Variants in TBC1D32 observed in about 807,000 individuals in gnomAD.
The protein encoded by TBC1D32 is protein broad-minded.
In TBC1D32, 151 loss-of-function variants were observed where a neutral mutation model predicts 170.3. That is an observed-to-expected ratio of 0.89 (90% CI 0.78 to 1.01). TBC1D32 has a LOEUF of 1.01. Ranked by LOEUF, TBC1D32 falls within the 50% of genes least tolerant of loss-of-function variation. The probability of loss-of-function intolerance (pLI) is 0.00; values close to 1 mark genes in which losing one functional copy is unlikely to be tolerated. For missense variants in TBC1D32, 1,464 were observed against 1,457.1 expected (o/e 1.00, Z -0.08); for synonymous variants, 498 against 488.0 (o/e 1.02, Z -0.27).
intron 12 of TBC1D32, among the ~76,000 whole-genome samples, chr6:121,289,945 T>C (rs1391302386): frequency 6.6e-6 from 1 of 152,172 alleles, no homozygotes; most frequent in African/African-American, 2.4e-5. Flanking sequence ...TGGATAGACA[T>C]ATGTAGAAAG....
intron 22 of TBC1D32, among the ~76,000 whole-genome samples, chr6:121,203,355 A>T (rs1791840615): frequency 6.6e-6 from 1 of 151,428 alleles, no homozygotes; most frequent in Admixed American, 6.6e-5. Flanking sequence ...GTTAAAATAC[A>T]AACTTTTCCT....
At chr6:121,250,399 G>A (rs962788768) in intron 17 of TBC1D32, among the ~76,000 whole-genome samples, 4 of 151,994 alleles carry the variant, frequency 2.6e-5, no homozygotes, top group African/African-American at 7.3e-5. Context: ...TGATCAAGTC[G>A]GCTTCATTCC....
intron 1 of TBC1D32, 90 bp from the exon 2 acceptor site, chr6:121,321,884 T>G (rs1809779160): frequency 1.7e-6 from 2 of 1,157,350 alleles, no homozygotes; most frequent in South Asian, 1.9e-5. Flanking sequence ...ATATTAAGAT[T>G]TCTTACCTTA....
chr6:121,101,309 C>T (rs976038097), intron 30 of TBC1D32, among the ~76,000 whole-genome samples: 4 of 152,110 alleles, frequency 2.6e-5, no homozygotes, highest in Admixed American at 2.0e-4. Flanking sequence ...GACCAATATC[C>T]CTGATGAACA....
chr6:121,279,249 T>C lies in TBC1D32; in HGVS notation c.1609-4A>G, dbSNP rs1802657619. 1 of 1,598,948 alleles carries C rather than the reference T, an allele frequency of 6.3e-7. No individual in the cohort carries two copies. On this transcript the variant is annotated splice_polypyrimidine_tract_variant and splice_region_variant and intron_variant, in intron 14 of 31. Coordinates refer to ENST00000398212, the MANE Select transcript of TBC1D32 (RefSeq NM_152730.6). ...TCTCAGAGCAATTTGGAGATGCCTG[T>C]ACATTAAAAAGAAAACAAGACAAAT...
intron 30 of TBC1D32, among the ~76,000 whole-genome samples, chr6:121,100,074 G>T (rs1777849204): frequency 1.3e-5 from 2 of 151,956 alleles, no homozygotes; most frequent in South Asian, 4.1e-4. Context: ...TAGTTGAGCG[G>T]TTTTGAGTGA....
Position 121,281,108 on chromosome 6 carries a change from T to C in TBC1D32, c.1608+436A>G, listed in dbSNP as rs187181070. 3.0e-4 allele frequency among the ~76,000 whole-genome samples: 46 copies of C among 151,944 alleles called. 3 individuals carry two copies. In the East Asian group the frequency reaches 8.1e-3, roughly 27 times the overall value. On this transcript the variant is annotated intron_variant, in intron 14 of 31. Transcript: ENST00000398212. ...AGACATACATCTGTTCAAATTGGAATTCTATATAAGTGTTCTCTCTAAAGT... is the reference window on the plus strand; with the variant it reads ...AGACATACATCTGTTCAAATTGGAACTCTATATAAGTGTTCTCTCTAAAGT...
chr6:121,139,288 C>T (rs1249036646), intron 24 of TBC1D32, among the ~76,000 whole-genome samples: 1 of 152,192 alleles, frequency 6.6e-6, no homozygotes, highest in Non-Finnish European at 1.5e-5. Flanking sequence ...GTTAAATAGG[C>T]AATTTTCATT....
intron 1 of TBC1D32, among the ~76,000 whole-genome samples, chr6:121,333,992 G>A (rs1270609632): frequency 6.6e-6 from 1 of 152,158 alleles, no homozygotes; most frequent in Non-Finnish European, 1.5e-5. Context: ...GCTTGAACCC[G>A]GGAGGCGGAG....
chr6:121,088,030 G>A (rs1055632814), intron 31 of TBC1D32, among the ~76,000 whole-genome samples: 3 of 150,660 alleles, frequency 2.0e-5, no homozygotes, highest in South Asian at 2.1e-4. Flanking sequence ...GGCCCACTGC[G>A]GCCTCGACCT....
chr6:121,187,972 G>C (rs1445761786), intron 22 of TBC1D32, among the ~76,000 whole-genome samples: 2 of 152,106 alleles, frequency 1.3e-5, no homozygotes, highest in Non-Finnish European at 2.9e-5. Context: ...CATATATTCT[G>C]TGAAGCAGTA....
chr6:121,289,131 A>T (rs1804385448), intron 12 of TBC1D32, among the ~76,000 whole-genome samples: 1 of 152,158 alleles, frequency 6.6e-6, no homozygotes, highest in East Asian at 1.9e-4. Context: ...CCTATTCAAC[A>T]ATAGTGTTGG....
intron 26 of TBC1D32, among the ~76,000 whole-genome samples, chr6:121,123,154 G>A (rs1430724645): frequency 6.6e-6 from 1 of 152,070 alleles, no homozygotes; most frequent in Non-Finnish European, 1.5e-5. Context: ...CACTCAGTAT[G>A]ATGTTAGCTG....
At chr6:121,325,975 C>T (rs1261638470) in intron 1 of TBC1D32, among the ~76,000 whole-genome samples, 3 of 152,010 alleles carry the variant, frequency 2.0e-5, no homozygotes, top group Non-Finnish European at 2.9e-5. Context: ...TGAACAGACA[C>T]TTCTCAAAAG....
Position 121,130,210 on chromosome 6 carries a change from G to A in TBC1D32, c.2899+1417C>T, listed in dbSNP as rs1055496867. ...TCAAAGTAATGAATAGGCAGGGCGC[G>A]GTGGCTCATGCCTGTAATCTCAGCA... On this transcript the variant is annotated intron_variant, in intron 25 of 31. Coordinates refer to ENST00000398212, the MANE Select transcript of TBC1D32 (RefSeq NM_152730.6). Among the ~76,000 whole-genome samples the A allele has an allele frequency of 2.9e-4, 44 of 152,226 alleles. No homozygotes were observed. In the East Asian group the frequency reaches 3.5e-3, roughly 12 times the overall value.
intron 25 of TBC1D32, among the ~76,000 whole-genome samples, chr6:121,130,945 T>A (rs556194054): frequency 6.6e-6 from 1 of 152,256 alleles, no homozygotes; most frequent in East Asian, 1.9e-4. Flanking sequence ...ATAACATTAT[T>A]CTCTGGAAAT....
chr6:121,123,896 G>T (rs1780550965), intron 26 of TBC1D32, among the ~76,000 whole-genome samples: 1 of 149,600 alleles, frequency 6.7e-6, no homozygotes. Flanking sequence ...TTTACCATGA[G>T]GCTTACAAAG....
chr6:121,080,274 G>C lies in TBC1D32; in HGVS notation c.*497C>G, dbSNP rs1419749272. 1 of 196,094 alleles carries C rather than the reference G, an allele frequency of 5.1e-6. No homozygotes were observed. Among genetic ancestry groups the C allele is most frequent in the South Asian group, 6.4e-5 (1 of 15,584 alleles). The allele number at this position is 196,094 out of a possible 1,614,324, so 12.1% of individuals were successfully genotyped here. A position where few individuals can be genotyped will look rare whatever the true frequency, so the allele number is the denominator to read the frequency against. ...CACTCTGTGGCCTGGCTGGAGTACA[G>C]TGGCACAATCTTGGCTCACTGCAAC... On this transcript the variant is annotated 3_prime_UTR_variant, in exon 32 of 32. Transcript: ENST00000398212.
At chr6:121,222,243 A>G (rs1794609347) in intron 21 of TBC1D32, among the ~76,000 whole-genome samples, 1 of 152,222 alleles carries the variant, frequency 6.6e-6, no homozygotes, top group African/African-American at 2.4e-5. Context: ...TAGTGTAAAC[A>G]TAACTTTTAC....
Sources: gnomAD v4.1 joint callset for allele counts (sites outside exome capture counted in the v4.1 genomes callset) on GRCh38, gnomAD v4.1.1 for gene constraint, MANE v1.5 for transcripts, NCBI Gene and HGNC (gene_info 2026-07-23, HGNC 2026-07-21) for gene names.